Variants in RAB27A observed in about 807,000 individuals in gnomAD.
RAB27A encodes the protein ras-related protein Rab-27A.
RAB27A carries 17 observed loss-of-function variants against 20.8 expected under a neutral mutation model. That is an observed-to-expected ratio of 0.82 (90% CI 0.56 to 1.23). The LOEUF is 1.23. Ranked by LOEUF, RAB27A falls within the 50% of genes most tolerant of loss-of-function variation. The probability of loss-of-function intolerance (pLI) is 0.00; values close to 1 mark genes in which losing one functional copy is unlikely to be tolerated. For missense variants in RAB27A, 277 were observed against 266.7 expected (o/e 1.04, Z -0.27); for synonymous variants, 85 against 92.8 (o/e 0.92, Z 0.48).
chr15:55,210,041 C>T (rs1437113203), intron 6 of RAB27A, among the ~76,000 whole-genome samples: 3 of 138,590 alleles, frequency 2.2e-5, no homozygotes, highest in South Asian at 4.5e-4. Flanking sequence ...TGTGTGTGTA[C>T]ATGTACATAT....
intron 1 of RAB27A, chr15:55,270,926 CCCAACACAG>C (rs1897687013): frequency 6.6e-6 from 1 of 152,124 alleles, no homozygotes; most frequent in Non-Finnish European, 1.5e-5. Flanking sequence ...ATCACACAAT[CCCAACACAG>C]CCAGAAATCT....
intron 1 of RAB27A, among the ~76,000 whole-genome samples, chr15:55,285,225 C>T (rs1426280284): frequency 1.3e-5 from 2 of 151,590 alleles, no homozygotes; most frequent in African/African-American, 4.9e-5. Context: ...AAAACTCTCA[C>T]TCCACACACG....
intron 6 of RAB27A, among the ~76,000 whole-genome samples, chr15:55,208,806 C>T (rs1894777879): frequency 6.6e-6 from 1 of 152,188 alleles, no homozygotes; most frequent in South Asian, 2.1e-4. Context: ...GCACCTGCCT[C>T]TCTTAAGTAG....
chr15:55,203,095 C>T lies in RAB27A; in HGVS notation c.*2412G>A, dbSNP rs1463730899. 1 of 151,948 alleles carries T rather than the reference C, an allele frequency of 6.6e-6. No individual in the cohort carries two copies. Among genetic ancestry groups the T allele is most frequent in the African/African-American group, 2.4e-5 (1 of 41,362 alleles). The allele number at this position is 151,948 out of a possible 1,614,324, so 9.4% of individuals were successfully genotyped here. Reference sequence around the variant, plus strand: ...GCACAAAAAATATAGTACTTCAATACCAAACTTAAATGATTTCCAAAAAGA... The same window carrying T: ...GCACAAAAAATATAGTACTTCAATATCAAACTTAAATGATTTCCAAAAAGA... On this transcript the variant is annotated 3_prime_UTR_variant, in exon 7 of 7. Transcript: ENST00000336787.
intron 2 of RAB27A, among the ~76,000 whole-genome samples, chr15:55,298,264 A>G (rs993734665): frequency 1.3e-5 from 2 of 151,796 alleles, no homozygotes; most frequent in Non-Finnish European, 2.9e-5. Context: ...CCCGATAGTC[A>G]CATAGGTTCT....
intron 5 of RAB27A, among the ~76,000 whole-genome samples, chr15:55,226,375 G>C (rs974862403): frequency 6.6e-6 from 1 of 152,068 alleles, no homozygotes; most frequent in Non-Finnish European, 1.5e-5. Context: ...GAGAGGGAGG[G>C]GTCTGCAAGG....
intron 2 of RAB27A, among the ~76,000 whole-genome samples, chr15:55,245,478 A>T (rs963106651): frequency 6.6e-6 from 1 of 152,248 alleles, no homozygotes; most frequent in Non-Finnish European, 1.5e-5. Context: ...GATTTTATCT[A>T]AATTCAGAAT....
At chr15:55,208,931 G>A (rs1395623910) in intron 6 of RAB27A, among the ~76,000 whole-genome samples, 1 of 152,220 alleles carries the variant, frequency 6.6e-6, no homozygotes, top group Non-Finnish European at 1.5e-5. Flanking sequence ...ATATAGTGTG[G>A]TTCCCTCTGA....
At chr15:55,292,712 C>G (rs907088110), upstream of RAB27A, among the ~76,000 whole-genome samples, 5 of 152,194 alleles carry the variant, frequency 3.3e-5, no homozygotes, top group Non-Finnish European at 7.3e-5. Context: ...GACACACTAG[C>G]ACCAACAGAA....
chr15:55,219,964 A>AC (rs540798666), intron 6 of RAB27A, among the ~76,000 whole-genome samples: 20 of 150,478 alleles, frequency 1.3e-4, no homozygotes, highest in Non-Finnish European at 2.1e-4. Flanking sequence ...AACAACAACA[A>AC]AAAAAAAAAC....
chr15:55,221,262 A>C, intron 6 of RAB27A, among the ~76,000 whole-genome samples: 1 of 127,006 alleles, frequency 7.9e-6, no homozygotes. Flanking sequence ...GATCTAGCTA[A>C]CTCCTCTAAC....
chr15:55,304,264 G>A (rs1281585544), intron 2 of RAB27A, among the ~76,000 whole-genome samples: 1 of 150,844 alleles, frequency 6.6e-6, no homozygotes, highest in African/African-American at 2.5e-5. Flanking sequence ...CTTGAAGGCA[G>A]CATGCTCGTT....
chr15:55,310,686 T>G (rs987078300), intron 2 of RAB27A, among the ~76,000 whole-genome samples: 2 of 152,118 alleles, frequency 1.3e-5, no homozygotes, highest in Non-Finnish European at 2.9e-5. Context: ...TTCCACCTGC[T>G]CCTCCTGATC....
At chr15:55,284,744 C>A (rs1295703151) in intron 1 of RAB27A, among the ~76,000 whole-genome samples, 2 of 152,214 alleles carry the variant, frequency 1.3e-5, no homozygotes, top group Non-Finnish European at 2.9e-5. Context: ...TGCAGCAGAA[C>A]AACTGCTGGT....
chr15:55,267,137 C>T (rs988692272), intron 2 of RAB27A, among the ~76,000 whole-genome samples: 2 of 152,256 alleles, frequency 1.3e-5, no homozygotes, highest in Middle Eastern at 3.4e-3. Context: ...GGGCCTTCTC[C>T]GTGTGAAAAT....
intron 6 of RAB27A, among the ~76,000 whole-genome samples, chr15:55,210,213 A>ATG (rs112033354): frequency 0.25 from 35,856 of 142,396 alleles, 6,370 homozygotes; most frequent in African/African-American, 0.48. Flanking sequence ...ACACACATGT[A>ATG]TGTGTATGTA....
chr15:55,301,390 G>A (rs1032235189), intron 2 of RAB27A, among the ~76,000 whole-genome samples: 54 of 152,130 alleles, frequency 3.5e-4, no homozygotes, highest in African/African-American at 1.3e-3. Flanking sequence ...CTTAACTGCA[G>A]CTGCTAGTTT....
intron 1 of RAB27A, among the ~76,000 whole-genome samples, chr15:55,283,782 T>C (rs1898079231): frequency 6.6e-6 from 1 of 152,218 alleles, no homozygotes; most frequent in Non-Finnish European, 1.5e-5. Context: ...CCTATTTCTG[T>C]ATGTTTCATT....
At chr15:55,254,667 T>A (rs1300887534) in intron 2 of RAB27A, among the ~76,000 whole-genome samples, 1 of 152,194 alleles carries the variant, frequency 6.6e-6, no homozygotes, top group Admixed American at 6.5e-5. Flanking sequence ...CATCTTATGT[T>A]CTCTGTAGGA....
Sources: gnomAD v4.1 joint callset for allele counts (sites outside exome capture counted in the v4.1 genomes callset) on GRCh38, gnomAD v4.1.1 for gene constraint, MANE v1.5 for transcripts, NCBI Gene and HGNC (gene_info 2026-07-23, HGNC 2026-07-21) for gene names.